Variants in ARHGAP8 observed in about 807,000 individuals in gnomAD.
The protein encoded by ARHGAP8 is rho GTPase-activating protein 8.
ARHGAP8 carries 62 observed loss-of-function variants against 46.1 expected under a neutral mutation model. The observed-to-expected ratio is 1.34, with a 90% CI of 1.10 to 1.66. The LOEUF is 1.66. Among genes scored for constraint, ARHGAP8 ranks in the 40% most tolerant of loss-of-function variants. The probability of loss-of-function intolerance (pLI) is 0.00; values close to 1 mark genes in which losing one functional copy is unlikely to be tolerated. For missense variants in ARHGAP8, 923 were observed against 568.4 expected, an observed-to-expected ratio of 1.62 and a Z score of -6.34; for synonymous variants, 375 against 243.1, an observed-to-expected ratio of 1.54 and a Z score of -5.05.
chr22:44,859,749 G>T lies in ARHGAP8; in HGVS notation c.896G>T (p.Arg299Leu), dbSNP rs140056752. ...LGITCVESSLRVTGCRQILRS... is the reference protein window; with the variant it reads ...LGITCVESSLLVTGCRQILRS... ...CTTCCAGGTGTGGAGAGCAGCCTGC[G>T]TGTCACTGGCTGCCGCCAGATCTTA... The change falls in exon 11 of 12, where the codon CGT (arginine) becomes CTT (leucine). Residue 299 changes from arginine to leucine, a missense_variant. By Grantham distance (102) the Arg-to-Leu change is moderately radical. Coordinates refer to ENST00000356099, the MANE Select transcript of ARHGAP8 (RefSeq NM_181335.3). 4.2e-5 allele frequency: 67 copies of T among 1,613,860 alleles called. No individual in the cohort carries two copies. The highest frequency in any genetic ancestry group is 5.2e-5 in the Non-Finnish European group (61 of 1,180,032).
intron 1 of ARHGAP8, among the ~76,000 whole-genome samples, chr22:44,768,818 C>T (rs1379514988): frequency 4.0e-5 from 6 of 151,466 alleles, no homozygotes; most frequent in Admixed American, 2.0e-4. Context: ...TGCCAGAGTC[C>T]CTGTCGTGGA....
At chr22:44,837,847 C>T (rs1429022796) in intron 7 of ARHGAP8, among the ~76,000 whole-genome samples, 3 of 152,304 alleles carry the variant, frequency 2.0e-5, no homozygotes, top group Admixed American at 6.5e-5. Context: ...GTGGAAAACC[C>T]GCTTGGCTGG....
intron 7 of ARHGAP8, 137 bp downstream of exon 7, chr22:44,825,730 G>A: frequency 2.7e-6 from 3 of 1,110,038 alleles, no homozygotes; most frequent in Non-Finnish European, 3.7e-6. Context: ...GATAAAGCCT[G>A]AGCTCATCAC....
chr22:44,799,536 C>T (rs924268089), intron 2 of ARHGAP8, among the ~76,000 whole-genome samples: 3 of 152,064 alleles, frequency 2.0e-5, no homozygotes, highest in Admixed American at 6.5e-5. Flanking sequence ...GCCAGGTCCT[C>T]GGGGGCAGAG....
chr22:44,769,582 C>A (rs1925848094), intron 1 of ARHGAP8, among the ~76,000 whole-genome samples: 1 of 152,108 alleles, frequency 6.6e-6, no homozygotes, highest in South Asian at 2.1e-4. Context: ...GTCTTTTAAT[C>A]CAGGAGTGTG....
At chr22:44,844,088 C>T (rs907886532) in intron 7 of ARHGAP8, among the ~76,000 whole-genome samples, 1 of 152,168 alleles carries the variant, frequency 6.6e-6, no homozygotes, top group Admixed American at 6.5e-5. Flanking sequence ...TCTCCTGCCT[C>T]AGCCTCCAGA....
Position 44,829,158 on chromosome 22 carries a change from T to G in ARHGAP8, c.596+3565T>G, listed in dbSNP as rs1210617605. Among the ~76,000 whole-genome samples the G allele has an allele frequency of 1.0e-4, 14 of 140,082 alleles. No individual in the cohort carries two copies. The Admixed American group carries it at 1.0e-3, about 10-fold the overall frequency. 91.9% of individuals were successfully genotyped at this position (140,082 alleles called of 152,430 possible). ...AAAAAAAAAAAAGTTGGGCATGGTGTCACACACCTGTAATCCCAGCTACTC... is the reference window on the plus strand; with the variant it reads ...AAAAAAAAAAAAGTTGGGCATGGTGGCACACACCTGTAATCCCAGCTACTC... On this transcript the variant is annotated intron_variant, in intron 7 of 11. Transcript: ENST00000356099.
chr22:44,859,134 G>A (rs2147194500), intron 10 of ARHGAP8, among the ~76,000 whole-genome samples: 1 of 152,290 alleles, frequency 6.6e-6, no homozygotes, highest in South Asian at 2.1e-4. Flanking sequence ...CCTGGAAGGT[G>A]GTGCTGCTGG....
intron 1 of ARHGAP8, among the ~76,000 whole-genome samples, chr22:44,753,529 C>G (rs535723575): frequency 6.8e-6 from 1 of 147,492 alleles, no homozygotes; most frequent in South Asian, 2.2e-4. Context: ...CCTAAAAGCC[C>G]AAAGTTTAAA....
intron 8 of ARHGAP8, among the ~76,000 whole-genome samples, chr22:44,846,763 G>A (rs2069967097): frequency 6.6e-6 from 1 of 151,938 alleles, no homozygotes; most frequent in African/African-American, 2.4e-5. Flanking sequence ...GCCAGACTCT[G>A]GGGATATCAA....
At chr22:44,767,982 G>GTTTTTTTT (rs1569134963) in intron 1 of ARHGAP8, among the ~76,000 whole-genome samples, 2 of 69,750 alleles carry the variant, frequency 2.9e-5, no homozygotes, top group African/African-American at 5.1e-5. Context: ...CCCGCATGAT[G>GTTTTTTTT]TCTTTTTTTT....
At chr22:44,827,921 A>G (rs1930652690) in intron 7 of ARHGAP8, among the ~76,000 whole-genome samples, 1 of 152,102 alleles carries the variant, frequency 6.6e-6, no homozygotes, top group Non-Finnish European at 1.5e-5. Context: ...GCATTATCTG[A>G]TGGAACTCTC....
intron 1 of ARHGAP8, among the ~76,000 whole-genome samples, chr22:44,769,302 C>G (rs562217581): frequency 6.6e-6 from 1 of 152,346 alleles, no homozygotes; most frequent in South Asian, 2.1e-4. Flanking sequence ...TCGAGACTTT[C>G]TGTTCCATTC....
intron 2 of ARHGAP8, among the ~76,000 whole-genome samples, chr22:44,796,607 G>A (rs892745049): frequency 5.9e-5 from 9 of 152,048 alleles, no homozygotes; most frequent in African/African-American, 1.9e-4. Flanking sequence ...CAGAGGTTCC[G>A]TTGGCCCCTC....
At chr22:44,796,918 C>G (rs1569149845) in intron 2 of ARHGAP8, among the ~76,000 whole-genome samples, 1 of 152,170 alleles carries the variant, frequency 6.6e-6, no homozygotes, top group South Asian at 2.1e-4. Context: ...GTGCCCTCAA[C>G]CTGTGAAGGG....
chr22:44,808,595 C>T (rs906172071), intron 4 of ARHGAP8, 157 bp downstream of exon 4: 11 of 1,347,286 alleles, frequency 8.2e-6, no homozygotes, highest in Non-Finnish European at 1.1e-5. Flanking sequence ...AGGTTCACCT[C>T]CCCTCTGGGC....
intron 6 of ARHGAP8, among the ~76,000 whole-genome samples, chr22:44,823,953 G>T (rs1201841313): frequency 6.6e-5 from 10 of 152,088 alleles, no homozygotes; most frequent in Non-Finnish European, 1.2e-4. Flanking sequence ...TACTCAGTAG[G>T]CAGCCGGCAC....
chr22:44,817,645 AAC>A (rs1303467194), intron 5 of ARHGAP8, among the ~76,000 whole-genome samples: 2 of 151,878 alleles, frequency 1.3e-5, no homozygotes, highest in Admixed American at 6.6e-5. Flanking sequence ...CTCTACTAAA[AAC>A]ACAAAAAATT....
At chr22:44,802,033 T>C in intron 2 of ARHGAP8, 44 bp from the exon 3 acceptor site, 1 of 1,607,810 alleles carries the variant, frequency 6.2e-7, no homozygotes. Flanking sequence ...GAGGATTTTC[T>C]AGGAGAAGGT....
Sources: gnomAD v4.1 joint callset for allele counts (sites outside exome capture counted in the v4.1 genomes callset) on GRCh38, gnomAD v4.1.1 for gene constraint, MANE v1.5 for transcripts, NCBI Gene and HGNC (gene_info 2026-07-23, HGNC 2026-07-21) for gene names.